PLAA: variants seen among roughly 807,000 people sequenced by gnomAD.
PLAA encodes the protein phospholipase A-2-activating protein.
PLAA carries 48 observed loss-of-function variants against 84.1 expected under a neutral mutation model. That is an observed-to-expected ratio of 0.57 (90% CI 0.45 to 0.73). The LOEUF is 0.73. PLAA is among the 30% of genes least tolerant of loss of function. The pLI is 0.00. For synonymous variants in PLAA, 392 were observed against 336.6 expected (o/e 1.16, Z -1.80); for missense variants, 903 against 954.7 (o/e 0.95, Z 0.71).
At chr9:26,937,001 C>T (rs1399070971) in intron 1 of PLAA, among the ~76,000 whole-genome samples, 2 of 152,128 alleles carry the variant, frequency 1.3e-5, no homozygotes, top group South Asian at 2.1e-4. Flanking sequence ...ATTAGCTGGG[C>T]GTAGTGGCAG....
intron 2 of PLAA, among the ~76,000 whole-genome samples, chr9:26,930,111 T>A (rs987718193): frequency 1.5e-4 from 23 of 150,556 alleles, no homozygotes; most frequent in African/African-American, 3.6e-4. Context: ...TTATTATTTT[T>A]TTTTTTTTTT....
At chr9:26,929,381 A>T (rs890297252) in intron 2 of PLAA, among the ~76,000 whole-genome samples, 47 of 139,696 alleles carry the variant, frequency 3.4e-4, no homozygotes, top group African/African-American at 8.3e-4. Context: ...CGTCCCAGTA[A>T]GAGAATTGCT....
intron 1 of PLAA, among the ~76,000 whole-genome samples, chr9:26,941,113 G>T (rs1563921209): frequency 7.7e-6 from 1 of 129,486 alleles, no homozygotes; most frequent in Non-Finnish European, 1.6e-5. Flanking sequence ...TTAGCATTAA[G>T]TATTTCTTAA....
chr9:26,912,219 T>C (rs371515899), intron 11 of PLAA, among the ~76,000 whole-genome samples: 1 of 152,098 alleles, frequency 6.6e-6, no homozygotes, highest in Admixed American at 6.6e-5. Flanking sequence ...CAGCCAATAA[T>C]TTGTGGTCTA....
chr9:26,905,731 G>C lies in PLAA; in HGVS notation c.2168C>G (p.Ala723Gly). Residue 723 changes from alanine (A) to glycine (G), a missense_variant, in exon 14 of 14, where the codon GCC becomes GGC. Coordinates refer to ENST00000397292, the MANE Select transcript of PLAA (RefSeq NM_001031689.3). Reference sequence around the variant, plus strand: ...TGTGCTAATTAGTGACAAACATTGGGCTTTCCCTTCAATGTTATGGTCTTT... The same window carrying C: ...TGTGCTAATTAGTGACAAACATTGGCCTTTCCCTTCAATGTTATGGTCTTT... Reference protein sequence around the residue: ...FHKDHNIEGKAQCLSLISTIL... With the variant: ...FHKDHNIEGKGQCLSLISTIL... 2 of 1,613,810 alleles carry C rather than the reference G, an allele frequency of 1.2e-6. No individual in the cohort carries two copies. Among genetic ancestry groups the C allele is most frequent in the Non-Finnish European group, 1.7e-6 (2 of 1,179,732 alleles).
chr9:26,941,807 A>G (rs1056169544), intron 1 of PLAA, among the ~76,000 whole-genome samples: 1 of 152,110 alleles, frequency 6.6e-6, no homozygotes, highest in Non-Finnish European at 1.5e-5. Flanking sequence ...ATATCTGAAT[A>G]AAAACAGTTC....
At chr9:26,925,012 T>C (rs1467897476) in intron 6 of PLAA, among the ~76,000 whole-genome samples, 1 of 152,244 alleles carries the variant, frequency 6.6e-6, no homozygotes, top group Non-Finnish European at 1.5e-5. Context: ...TCCATTTTTA[T>C]TAATGAAGAT....
intron 6 of PLAA, 107 bp downstream of exon 6, chr9:26,925,718 A>G (rs1443723965): frequency 4.6e-6 from 4 of 875,404 alleles, no homozygotes; most frequent in Non-Finnish European, 7.3e-6. Context: ...GTGTCCATAT[A>G]GTCTCCTCAA....
At chr9:26,907,178 G>C (rs910159851) in intron 13 of PLAA, among the ~76,000 whole-genome samples, 2 of 151,644 alleles carry the variant, frequency 1.3e-5, no homozygotes, top group African/African-American at 4.8e-5. Context: ...TGTAGCCTAG[G>C]GTTAACAGGT....
rs187308914 is a variant in PLAA at position 26,921,537 on chromosome 9, C to G, written c.1040-1153G>C. On this transcript the variant is annotated intron_variant, in intron 7 of 13. Coordinates refer to ENST00000397292, the MANE Select transcript of PLAA (RefSeq NM_001031689.3). ...GGTTGACTACAAAAAGAAAATCCAG[C>G]CTAACACACGTAGGTAGTTGAAAAA... Among the ~76,000 whole-genome samples, 40 of 152,328 alleles carry G rather than the reference C, an allele frequency of 2.6e-4. No individual in the cohort carries two copies. In the East Asian group the frequency reaches 3.9e-3, roughly 15 times the overall value.
At position 26,928,331 on chromosome 9, in the gene PLAA, C is replaced by T. The variant is rs1411738706; in HGVS notation, c.421G>A (p.Asp141Asn). 6.2e-7 allele frequency: 1 copy of T among 1,614,114 alleles called. No homozygotes were observed. Among genetic ancestry groups the T allele is most frequent in the Admixed American group, 1.7e-5 (1 of 60,020 alleles). ...WDTTAKVWLN[D>N]KCMMTLQGHT... is the part of the protein sequence containing the mutation. ...ACCTGCAAGGTCATCATGCACTTGTCATTCAGCCAGACTTTAGCAGTGGTG... is the reference window on the plus strand; with the variant it reads ...ACCTGCAAGGTCATCATGCACTTGTTATTCAGCCAGACTTTAGCAGTGGTG... Residue 141 changes from aspartate (D) to asparagine (N), a missense_variant, in exon 3 of 14, where the codon GAC (aspartate) becomes AAC (asparagine). Coordinates refer to ENST00000397292, the MANE Select transcript of PLAA (RefSeq NM_001031689.3).
intron 2 of PLAA, among the ~76,000 whole-genome samples, chr9:26,928,972 C>A (rs1478579437): frequency 6.6e-6 from 1 of 152,012 alleles, no homozygotes; most frequent in African/African-American, 2.4e-5. Context: ...CCAAGGCAGG[C>A]GGATTGCTTG....
chr9:26,927,284 C>T (rs1270666156), intron 4 of PLAA, among the ~76,000 whole-genome samples: 3 of 151,794 alleles, frequency 2.0e-5, no homozygotes, highest in Non-Finnish European at 4.4e-5. Context: ...CCACTCCTGG[C>T]GAATTTTTTT....
Position 26,946,964 on chromosome 9 carries a change from C to T in PLAA, c.82G>A (p.Ala28Thr). Residue 28 changes from alanine (A) to threonine (T), a missense_variant, in exon 1 of 14, where the codon GCC (alanine) becomes ACC (threonine). Ala to Thr is a moderately conservative substitution (Grantham distance 58). Coordinates refer to ENST00000397292, the MANE Select transcript of PLAA (RefSeq NM_001031689.3). ...GACACAAAGGCTCCCGGCGGATAGG[C>T]GCAGCACACCAGGCCCCGTACGTCC... The part of the protein sequence containing the change: ...ELDVRGLVCC[A>T]YPPGAFVSVS... The T allele has an allele frequency of 6.3e-7, 1 of 1,590,158 alleles. No individual in the cohort carries two copies. The highest frequency in any genetic ancestry group is 2.3e-5 in the East Asian group (1 of 43,532).
At chr9:26,917,307 T>G in intron 9 of PLAA, 142 bp from the exon 10 acceptor site, 1 of 620,618 alleles carries the variant, frequency 1.6e-6, no homozygotes, top group Non-Finnish European at 2.8e-6. Context: ...ACAGAAACTA[T>G]AGTCAGAAGT....
At chr9:26,920,138 A>T (rs1338319364) in intron 8 of PLAA, 89 bp downstream of exon 8, 13 of 1,069,238 alleles carry the variant, frequency 1.2e-5, no homozygotes, top group East Asian at 1.2e-4. Flanking sequence ...TGTCAAAACA[A>T]AGGAAATTTT....
In PLAA at chr9:26,947,030, T is replaced by C; in HGVS notation, c.16A>G (p.Thr6Ala). The change falls in exon 1 of 14, where the codon ACC becomes GCC. Residue 6 changes from threonine (T) to alanine (A), a missense_variant. Transcript: ENST00000397292. Reference protein sequence around the residue: MTSGATRYRLSCSLRG... With the variant: MTSGAARYRLSCSLRG... ...AGCGAGCAGCTCAGCCGGTACCTGG[T>C]TGCGCCGCTCGTCATGGCCAGTGTC... 3.2e-6 allele frequency: 5 copies of C among 1,587,014 alleles called. No individual in the cohort carries two copies. Among genetic ancestry groups the C allele is most frequent in the African/African-American group, 1.3e-5 (1 of 74,508 alleles).
chr9:26,923,310 G>A lies in PLAA; in HGVS notation c.907C>T (p.Arg303Ter), dbSNP rs1211928080. 2 of 1,612,640 alleles carry A rather than the reference G, an allele frequency of 1.2e-6. No homozygotes were observed. The highest frequency in any genetic ancestry group is 1.3e-5 in the African/African-American group (1 of 74,862). The change falls in exon 7 of 14, where the codon CGA becomes TGA. Residue 303 changes from arginine to a stop codon, truncating the protein, a stop_gained. Transcript: ENST00000397292. LOFTEE classifies it high-confidence loss of function. ...TTGATTTCTTCAGCACTTGCTGTTC[G>A]ATCTTCTGATTCTGTAAACACTCTA... Reference protein sequence around the residue: ...IIRVFTESEDRTASAEEIKAF... With the variant: ...IIRVFTESED
intron 1 of PLAA, among the ~76,000 whole-genome samples, chr9:26,938,030 T>C (rs1423280904): frequency 1.3e-5 from 2 of 152,030 alleles, no homozygotes; most frequent in Non-Finnish European, 2.9e-5. Flanking sequence ...AAGACATGAA[T>C]ATAAACATCC....
Sources: allele counts gnomAD v4.1 joint callset (sites outside exome capture counted in the v4.1 genomes callset), GRCh38; gene constraint gnomAD v4.1.1; transcripts MANE v1.5; gene names NCBI Gene and HGNC (gene_info 2026-07-23, HGNC 2026-07-21).